CNTNAP2: variants seen among roughly 807,000 people sequenced by gnomAD.
CNTNAP2 encodes the protein contactin-associated protein-like 2.
Under a neutral mutation model 155.2 loss-of-function variants are expected in CNTNAP2, and 98 were observed. That is an observed-to-expected ratio of 0.63 (90% confidence interval 0.54 to 0.75). CNTNAP2 has a LOEUF of 0.75. Among genes scored for constraint, CNTNAP2 ranks in the 30% least tolerant of loss-of-function variants. The pLI is 0.00. For synonymous variants in CNTNAP2, 651 were observed against 631.2 expected (o/e 1.03, Z -0.47); for missense variants, 1,727 against 1,688.1 (o/e 1.02, Z -0.40).
intron 8 of CNTNAP2, among the ~76,000 whole-genome samples, chr7:147,270,006 G>A (rs1424699610): frequency 1.3e-5 from 2 of 152,128 alleles, no homozygotes; most frequent in African/African-American, 2.4e-5. Context: ...AGGCTGCAGT[G>A]AGCTATGATT....
At chr7:148,247,962 C>T (rs1796302414) in intron 20 of CNTNAP2, among the ~76,000 whole-genome samples, 1 of 151,906 alleles carries the variant, frequency 6.6e-6, no homozygotes, top group Non-Finnish European at 1.5e-5. Flanking sequence ...CCTCTTTCTT[C>T]AGTCAACTTT....
chr7:147,329,803 CTT>C (rs1400596367), intron 9 of CNTNAP2, among the ~76,000 whole-genome samples: 2 of 152,002 alleles, frequency 1.3e-5, no homozygotes, highest in Non-Finnish European at 2.9e-5. Flanking sequence ...TTCCTCTACT[CTT>C]TTGTTAGGTC....
intron 1 of CNTNAP2, among the ~76,000 whole-genome samples, chr7:146,143,049 G>A (rs1223557929): frequency 1.3e-5 from 2 of 152,062 alleles, no homozygotes; most frequent in East Asian, 3.9e-4. Context: ...CAAATCCAGA[G>A]CCATGAAGTT....
chr7:148,208,021 G>A (rs902275053), intron 18 of CNTNAP2, among the ~76,000 whole-genome samples: 33 of 152,016 alleles, frequency 2.2e-4, no homozygotes, highest in African/African-American at 7.0e-4. Context: ...CCCGGGAGGC[G>A]GAGCTTGCAG....
intron 3 of CNTNAP2, among the ~76,000 whole-genome samples, chr7:146,914,479 AT>A (rs1024233316): frequency 3.3e-5 from 5 of 151,746 alleles, no homozygotes; most frequent in Non-Finnish European, 7.4e-5. Flanking sequence ...TAATTTTTTT[AT>A]TATGGCCATT....
At chr7:147,161,034 G>T (rs542220417) in intron 8 of CNTNAP2, among the ~76,000 whole-genome samples, 2 of 152,110 alleles carry the variant, frequency 1.3e-5, no homozygotes, top group African/African-American at 4.8e-5. Context: ...GGACATTCAA[G>T]AGACAGTGAA....
intron 1 of CNTNAP2, among the ~76,000 whole-genome samples, chr7:146,735,344 A>G (rs1241378827): frequency 6.6e-6 from 1 of 152,160 alleles, no homozygotes; most frequent in Non-Finnish European, 1.5e-5. Context: ...CGAGGTCAGG[A>G]GATCGAGACC....
intron 1 of CNTNAP2, among the ~76,000 whole-genome samples, chr7:146,416,259 T>C (rs1471415675): frequency 2.0e-5 from 3 of 150,436 alleles, no homozygotes; most frequent in Admixed American, 6.7e-5. Context: ...TATACACACA[T>C]ATATATACAT....
At chr7:146,288,819 T>C (rs1015458984) in intron 1 of CNTNAP2, among the ~76,000 whole-genome samples, 2 of 140,990 alleles carry the variant, frequency 1.4e-5, no homozygotes, top group Admixed American at 1.4e-4. Context: ...TTTTTTTTTT[T>C]TTTGAGACAG....
intron 1 of CNTNAP2, among the ~76,000 whole-genome samples, chr7:146,168,485 A>G (rs948363344): frequency 1.1e-4 from 17 of 152,112 alleles, no homozygotes; most frequent in Admixed American, 5.2e-4. Context: ...ATGTTGAAAG[A>G]GATCTTCCCA....
intron 13 of CNTNAP2, among the ~76,000 whole-genome samples, chr7:147,722,087 T>C (rs1796574808): frequency 6.6e-6 from 1 of 152,186 alleles, no homozygotes; most frequent in African/African-American, 2.4e-5. Flanking sequence ...TCTTTTCCAC[T>C]TTTAGCTGTT....
intron 1 of CNTNAP2, among the ~76,000 whole-genome samples, chr7:146,360,744 A>G (rs1795070196): frequency 6.6e-6 from 1 of 152,170 alleles, no homozygotes; most frequent in Non-Finnish European, 1.5e-5. Flanking sequence ...AATTTTGAAA[A>G]CCACTGTGTT....
chr7:146,641,302 A>G (rs1449049803), intron 1 of CNTNAP2, among the ~76,000 whole-genome samples: 2 of 152,192 alleles, frequency 1.3e-5, no homozygotes, highest in South Asian at 2.1e-4. Flanking sequence ...CTCCAGCCTG[A>G]GGAACAGAGC....
At chr7:147,532,848 C>A (rs1799467403) in intron 11 of CNTNAP2, among the ~76,000 whole-genome samples, 1 of 152,132 alleles carries the variant, frequency 6.6e-6, no homozygotes, top group Non-Finnish European at 1.5e-5. Flanking sequence ...GAAAGACCAG[C>A]CCCCATGATT....
intron 8 of CNTNAP2, among the ~76,000 whole-genome samples, chr7:147,240,296 G>A (rs1357613075): frequency 6.6e-6 from 1 of 152,176 alleles, no homozygotes; most frequent in Non-Finnish European, 1.5e-5. Context: ...CCGCACTCCA[G>A]CTTGGGTGAT....
intron 13 of CNTNAP2, among the ~76,000 whole-genome samples, chr7:147,662,003 C>T (rs1250307784): frequency 6.6e-6 from 1 of 152,178 alleles, no homozygotes; most frequent in African/African-American, 2.4e-5. Flanking sequence ...CTTAAGTAGT[C>T]TATCATCCTA....
At chr7:147,609,002 A>T (rs1801128637) in intron 12 of CNTNAP2, among the ~76,000 whole-genome samples, 1 of 152,094 alleles carries the variant, frequency 6.6e-6, no homozygotes, top group Non-Finnish European at 1.5e-5. Flanking sequence ...GGCCATTTTC[A>T]CTTCTTTTGT....
intron 21 of CNTNAP2, among the ~76,000 whole-genome samples, chr7:148,297,500 A>T (rs971391823): frequency 7.2e-5 from 11 of 152,220 alleles, no homozygotes; most frequent in African/African-American, 2.7e-4. Flanking sequence ...ATTGCTCATT[A>T]TGGAGAACCA....
rs934198166 is a variant in CNTNAP2 at position 147,169,652 on chromosome 7, A to AAGGG, written c.1348+37161_1348+37164dup. On this transcript the variant is annotated intron_variant, in intron 8 of 23. Transcript: ENST00000361727. ...GAAGGAAGGAAGGAAGGAAAGAAGG[A>AAGGG]AGGGAGGGAGGGAGGGAGGGAAATC... is the stretch of plus-strand genomic sequence containing the variant. 6.3e-5 allele frequency among the ~76,000 whole-genome samples: 9 copies of AAGGG among 142,656 alleles called. 1 individual carries two copies. Among genetic ancestry groups the AAGGG allele is most frequent in the East Asian group, 2.4e-4 (1 of 4,086 alleles). 93.6% of individuals were successfully genotyped at this position (142,656 alleles called of 152,430 possible).
Sources: allele counts gnomAD v4.1 joint callset (sites outside exome capture counted in the v4.1 genomes callset), GRCh38; gene constraint gnomAD v4.1.1; transcripts MANE v1.5; gene names NCBI Gene and HGNC (gene_info 2026-07-23, HGNC 2026-07-21).